Variants in AAMDC observed in about 807,000 individuals in gnomAD.
AAMDC encodes the protein mth938 domain-containing protein.
AAMDC carries 16 observed loss-of-function variants against 15.5 expected under a neutral mutation model. That is an observed-to-expected ratio of 1.03 (90% CI 0.70 to 1.57). The LOEUF is 1.57. AAMDC is among the 40% of genes most tolerant of loss of function. AAMDC has a pLI of 0.00. For synonymous variants in AAMDC, 51 were observed against 51.6 expected, an observed-to-expected ratio of 0.99 and a Z score of 0.05; for missense variants, 141 against 144.9, an observed-to-expected ratio of 0.97 and a Z score of 0.14.
At chr11:77,857,685 C>T (rs1290980776) in intron 2 of AAMDC, among the ~76,000 whole-genome samples, 13 of 151,542 alleles carry the variant, frequency 8.6e-5, no homozygotes. Context: ...ACCTATCAAC[C>T]CATCAACTAA....
downstream of AAMDC, among the ~76,000 whole-genome samples, chr11:77,874,110 G>A (rs896586248): frequency 6.6e-6 from 1 of 152,190 alleles, no homozygotes; most frequent in African/African-American, 2.4e-5. Context: ...GCAGACGTAG[G>A]ATTAGAACCC....
At chr11:77,903,500 G>C, downstream of AAMDC, 1 of 1,607,468 alleles carries the variant, frequency 6.2e-7, no homozygotes, top group South Asian at 1.1e-5. Context: ...ACAATTACTG[G>C]ACAGAGACCT....
intron 5 of AAMDC, among the ~76,000 whole-genome samples, chr11:77,888,174 T>C (rs1031743066): frequency 2.0e-5 from 3 of 152,174 alleles, no homozygotes; most frequent in African/African-American, 7.2e-5. Flanking sequence ...CTTCAAACTA[T>C]ACTACAAGCC....
intron 1 of AAMDC, among the ~76,000 whole-genome samples, chr11:77,841,646 T>C (rs1365402156): frequency 1.3e-5 from 2 of 152,170 alleles, no homozygotes; most frequent in Admixed American, 6.6e-5. Flanking sequence ...CCCAGAATGT[T>C]TGGGTGTCTT....
At position 77,842,528 on chromosome 11, in the gene AAMDC, G is replaced by A. The variant is rs748521576; in HGVS notation, c.32G>A (p.Trp11Ter). 1.2e-6 allele frequency: 2 copies of A among 1,613,866 alleles called. No homozygotes were observed. The highest frequency in any genetic ancestry group is 8.5e-7 in the Non-Finnish European group (1 of 1,179,968). Residue 11 changes from tryptophan to a stop codon, truncating the protein, a stop_gained, in exon 2 of 4, where the codon TGG becomes TAG. Coordinates refer to ENST00000393427, the MANE Select transcript of AAMDC (RefSeq NM_024684.4). LOFTEE classifies it high-confidence loss of function. ...TCCCCTGAAATTGCTTCCTTATCAT[G>A]GGGGCAAATGAAAGTAAAAGGCTCT... is the stretch of plus-strand genomic sequence containing the variant. MTSPEIASLSWGQMKVKGSNT... is the reference protein window; with the variant it reads MTSPEIASLS
intron 1 of AAMDC, among the ~76,000 whole-genome samples, chr11:77,822,052 T>C (rs1948932600): frequency 6.6e-6 from 1 of 152,184 alleles, no homozygotes; most frequent in Non-Finnish European, 1.5e-5. Flanking sequence ...GTTCCTATAA[T>C]TTAGACTGAA....
intron 5 of AAMDC, among the ~76,000 whole-genome samples, chr11:77,877,741 C>T (rs1410068703): frequency 2.7e-5 from 4 of 149,656 alleles, no homozygotes; most frequent in African/African-American, 5.0e-5. Context: ...TGTTATATCA[C>T]ACTTGCAATT....
intron 1 of AAMDC, among the ~76,000 whole-genome samples, chr11:77,823,927 A>T (rs530721051): frequency 3.3e-5 from 5 of 152,276 alleles, no homozygotes. Flanking sequence ...AAAAAAAAAA[A>T]AAAGCTTTAT....
intron 3 of AAMDC, among the ~76,000 whole-genome samples, chr11:77,870,481 C>T (rs1157690406): frequency 1.3e-5 from 2 of 151,414 alleles, no homozygotes; most frequent in African/African-American, 4.9e-5. Flanking sequence ...GGACTACAGG[C>T]GCCCACCACC....
chr11:77,885,414 T>C (rs898073484), intron 5 of AAMDC, among the ~76,000 whole-genome samples: 2 of 152,018 alleles, frequency 1.3e-5, no homozygotes, highest in African/African-American at 4.8e-5. Flanking sequence ...CCCACTCTAG[T>C]TCTAGGCTCC....
At chr11:77,833,491 G>A (rs951015709) in intron 1 of AAMDC, among the ~76,000 whole-genome samples, 5 of 152,100 alleles carry the variant, frequency 3.3e-5, no homozygotes, top group South Asian at 4.1e-4. Flanking sequence ...GGTAGAGCTC[G>A]GGCAGTAATG....
At chr11:77,837,743 A>G (rs1209346739) in intron 1 of AAMDC, among the ~76,000 whole-genome samples, 1 of 152,086 alleles carries the variant, frequency 6.6e-6, no homozygotes, top group African/African-American at 2.4e-5. Flanking sequence ...GCCCTCAGGT[A>G]CTTATTTTTT....
intron 5 of AAMDC, among the ~76,000 whole-genome samples, chr11:77,881,405 T>C (rs1191183188): frequency 1.3e-5 from 2 of 152,080 alleles, no homozygotes. Flanking sequence ...TCACCTAGAT[T>C]AGGAGAAAGA....
chr11:77,850,672 T>A (rs1590949502), intron 2 of AAMDC: 1 of 152,172 alleles, frequency 6.6e-6, no homozygotes, highest in Admixed American at 6.5e-5. Flanking sequence ...AGAATAGTTA[T>A]GTGAATAATA....
chr11:77,890,070 C>T (rs576213624), intron 5 of AAMDC, among the ~76,000 whole-genome samples: 2 of 152,290 alleles, frequency 1.3e-5, no homozygotes, highest in South Asian at 4.1e-4. Flanking sequence ...TGTAGGCTGA[C>T]ACCTATTCAT....
chr11:77,845,309 A>G (rs1295234800), intron 2 of AAMDC, among the ~76,000 whole-genome samples: 6 of 151,834 alleles, frequency 4.0e-5, no homozygotes, highest in African/African-American at 1.5e-4. Context: ...CCTTTGTCTC[A>G]GACTGGATAA....
chr11:77,894,764 G>A (rs1161150260), intron 5 of AAMDC, among the ~76,000 whole-genome samples: 1 of 152,188 alleles, frequency 6.6e-6, no homozygotes, highest in African/African-American at 2.4e-5. Flanking sequence ...TGAGCTGTCA[G>A]CATTGGGATG....
At chr11:77,884,941 G>T (rs569746506) in intron 5 of AAMDC, 1 of 224,064 alleles carries the variant, frequency 4.5e-6, no homozygotes, top group South Asian at 5.3e-5. Flanking sequence ...AAATTTTTTT[G>T]TAGAGACAAG....
chr11:77,878,656 A>C (rs1951674065), intron 5 of AAMDC: 1 of 647,086 alleles, frequency 1.5e-6, no homozygotes, highest in African/African-American at 1.8e-5. Context: ...GCATGTAAGC[A>C]CGTAGTATAA....
Sources: gnomAD v4.1 joint callset for allele counts (sites outside exome capture counted in the v4.1 genomes callset) on GRCh38, gnomAD v4.1.1 for gene constraint, MANE v1.5 for transcripts, NCBI Gene and HGNC (gene_info 2026-07-23, HGNC 2026-07-21) for gene names.